The following SLC4A1AP variants were observed in gnomAD, a reference collection of about 807,000 sequenced individuals.
SLC4A1AP encodes solute carrier family 4 member 1 adaptor protein.
A neutral mutation model predicts 89.7 loss-of-function variants in SLC4A1AP; 64 were observed. The ratio of observed to expected loss-of-function variants is 0.71; its 90% CI spans 0.58 to 0.88. The LOEUF (loss-of-function observed/expected upper bound fraction) is 0.88. Among genes scored for constraint, SLC4A1AP ranks in the 40% least tolerant of loss-of-function variants. The pLI is 0.00. For synonymous variants in SLC4A1AP, 366 were observed against 353.3 expected, an observed-to-expected ratio of 1.04 and a Z score of -0.40; for missense variants, 931 against 965.0, an observed-to-expected ratio of 0.96 and a Z score of 0.47.
At chr2:27,687,995 C>T (rs1452228285) in exon 11 of SLC4A1AP, 24 of 1,613,694 alleles carry the variant, frequency 1.5e-5, no homozygotes, top group Non-Finnish European at 2.0e-5. Context: ...GTAGCAAAAC[C>T]ACTTCATTGT....
chr2:27,693,570 G>A (rs1675824245), intron 12 of SLC4A1AP, 115 bp from the exon 13 acceptor site: 1 of 679,228 alleles, frequency 1.5e-6, no homozygotes, highest in Non-Finnish European at 2.4e-6. Flanking sequence ...CAAAATTCTT[G>A]ACTAATGTTT....
chr2:27,671,420 T>C (rs1022154368), intron 5 of SLC4A1AP, among the ~76,000 whole-genome samples: 3 of 152,354 alleles, frequency 2.0e-5, no homozygotes. Context: ...TTCATGTGTT[T>C]GGGGCTTTTT....
chr2:27,668,662 C>G (rs756659922), intron 3 of SLC4A1AP, 181 bp from the exon 4 acceptor site: 3 of 701,448 alleles, frequency 4.3e-6, no homozygotes, highest in Non-Finnish European at 7.8e-6. Flanking sequence ...GTTGCACAGA[C>G]TGGTTTCGCG....
chr2:27,669,456 C>G (rs1675386654), intron 5 of SLC4A1AP, 69 bp downstream of exon 5: 2 of 1,368,656 alleles, frequency 1.5e-6, no homozygotes, highest in Non-Finnish European at 2.0e-6. Flanking sequence ...GCTAATAAAA[C>G]TTCTTTATGG....
chr2:27,681,856 G>T (rs1392137237), intron 8 of SLC4A1AP, among the ~76,000 whole-genome samples: 1 of 152,044 alleles, frequency 6.6e-6, no homozygotes, highest in Non-Finnish European at 1.5e-5. Flanking sequence ...TTGCGCTTAA[G>T]TGGGAGCTCC....
intron 6 of SLC4A1AP, among the ~76,000 whole-genome samples, chr2:27,676,836 A>C (rs13405884): frequency 0.022 from 3,349 of 151,680 alleles, 90 homozygotes; most frequent in African/African-American, 0.058. Context: ...TCTCAAAAAA[A>C]AAAAAAAAAA....
chr2:27,668,631 G>A (rs752535517), intron 3 of SLC4A1AP: 2 of 685,758 alleles, frequency 2.9e-6, no homozygotes, highest in South Asian at 3.0e-5. Context: ...TGTATTTTTT[G>A]TACAGATGGG....
intron 3 of SLC4A1AP, among the ~76,000 whole-genome samples, chr2:27,668,174 A>G (rs2148131116): frequency 6.6e-6 from 1 of 150,866 alleles, no homozygotes; most frequent in East Asian, 1.9e-4. Flanking sequence ...TTTGAGACGG[A>G]GTCTCGCTCT....
exon 6 of SLC4A1AP, chr2:27,675,533 A>G: frequency 1.9e-6 from 3 of 1,566,168 alleles, no homozygotes; most frequent in Non-Finnish European, 2.6e-6. Context: ...TACCTCTAGT[A>G]TCTCGGAAAA....
At chr2:27,692,902 T>G (rs1379594143) in intron 12 of SLC4A1AP, 1 of 152,134 alleles carries the variant, frequency 6.6e-6, no homozygotes, top group Non-Finnish European at 1.5e-5. Flanking sequence ...GTGAGTCTCT[T>G]GAAGATGGCA....
chr2:27,675,753 G>T, intron 6 of SLC4A1AP, 61 bp downstream of exon 6: 1 of 1,076,098 alleles, frequency 9.3e-7, no homozygotes, highest in Non-Finnish European at 1.3e-6. Context: ...ATAACATAAT[G>T]TATTATTTAA....
intron 5 of SLC4A1AP, 103 bp downstream of exon 5, chr2:27,669,490 A>G (rs909458340): frequency 4.1e-6 from 5 of 1,214,698 alleles, no homozygotes; most frequent in South Asian, 1.8e-5. Context: ...ATTGTACAAA[A>G]TTTTTTGAAG....
Position 27,675,513 on chromosome 2 carries a change from T to A in SLC4A1AP, c.1346-19T>A. ...TCTTTTTTAAAAACTTATTTATTCATCATTTTATCTACCTCTAGTATCTCG... is the reference window on the plus strand; with the variant it reads ...TCTTTTTTAAAAACTTATTTATTCAACATTTTATCTACCTCTAGTATCTCG... On this transcript the variant is annotated intron_variant, in intron 5 of 13. Coordinates refer to ENST00000613058, the Ensembl canonical transcript of SLC4A1AP. 6.6e-7 allele frequency: 1 copy of A among 1,516,546 alleles called. No homozygotes were observed. The highest frequency in any genetic ancestry group is 8.9e-7 in the Non-Finnish European group (1 of 1,125,296). The allele number at this position is 1,516,546 out of a possible 1,614,324, so 93.9% of individuals were successfully genotyped here.
At chr2:27,692,415 A>T (rs1675802878) in intron 12 of SLC4A1AP, 1 of 152,240 alleles carries the variant, frequency 6.6e-6, no homozygotes, top group African/African-American at 2.4e-5. Context: ...GTGGTCTATC[A>T]TATGGTCTAT....
rs1310481426 is a variant in SLC4A1AP, at chr2:27,685,193, C to T, written c.2032C>T (p.Gln678Ter). 1 of 1,614,080 alleles carries T rather than the reference C, an allele frequency of 6.2e-7. No homozygotes were observed. Among genetic ancestry groups the T allele is most frequent in the East Asian group, 2.2e-5 (1 of 44,890 alleles). ...GGAGGATGGAAGCCTCAGTAGGCCA[C>T]AGCCAGAGATAGAGCCAGAAGCAGC... Residue 678 changes from glutamine to a stop codon, truncating the protein, a stop_gained, in exon 10 of 14, where the codon CAG becomes TAG. Coordinates refer to ENST00000613058, the Ensembl canonical transcript of SLC4A1AP. LOFTEE classifies it high-confidence loss of function.
At chr2:27,682,919 A>G (rs1363627430) in intron 9 of SLC4A1AP, among the ~76,000 whole-genome samples, 1 of 152,226 alleles carries the variant, frequency 6.6e-6, no homozygotes, top group Non-Finnish European at 1.5e-5. Context: ...AATTAGAATC[A>G]TAGTTTATTA....
chr2:27,665,400 T>TA, intron 2 of SLC4A1AP, 105 bp downstream of exon 2: 2 of 939,382 alleles, frequency 2.1e-6, no homozygotes, highest in Middle Eastern at 3.6e-4. Context: ...CTCCTTGAGA[T>TA]AGATAGGGCA....
At chr2:27,671,444 C>T (rs921173876) in intron 5 of SLC4A1AP, among the ~76,000 whole-genome samples, 1 of 152,120 alleles carries the variant, frequency 6.6e-6, no homozygotes, top group East Asian at 1.9e-4. Context: ...ATTTCTTGCT[C>T]ATTCCTCCCA....
intron 12 of SLC4A1AP, among the ~76,000 whole-genome samples, chr2:27,689,093 T>A (rs575625260): frequency 2.0e-5 from 3 of 152,166 alleles, no homozygotes; most frequent in Non-Finnish European, 2.9e-5. Flanking sequence ...TGTACTCCAT[T>A]CTACATCTGT....
Sources: gnomAD v4.1 joint callset for allele counts (sites outside exome capture counted in the v4.1 genomes callset) on GRCh38, gnomAD v4.1.1 for gene constraint, MANE v1.5 for transcripts, NCBI Gene and HGNC (gene_info 2026-07-23, HGNC 2026-07-21) for gene names.